The following RRP15 variants were observed in gnomAD, a reference collection of about 807,000 sequenced individuals.
The protein encoded by RRP15 is RRP15-like protein.
In RRP15, 18 loss-of-function variants were observed where a neutral mutation model predicts 27.1. The observed-to-expected ratio is 0.66, with a 90% CI of 0.46 to 0.98. RRP15 has a LOEUF of 0.98. RRP15 is among the 50% of genes least tolerant of loss of function. The probability of loss-of-function intolerance (pLI) is 0.00; values close to 1 mark genes in which losing one functional copy is unlikely to be tolerated. For missense variants in RRP15, 359 were observed against 337.8 expected (o/e 1.06, Z -0.49); for synonymous variants, 107 against 109.4 (o/e 0.98, Z 0.14).
At position 218,332,931 on chromosome 1, in the gene RRP15, C is replaced by G. The variant is rs752139653; in HGVS notation, c.*1840C>G. On this transcript the variant is annotated 3_prime_UTR_variant, in exon 5 of 5. Transcript: ENST00000366932. ...TTTTCTCCCCAGAACTAAGATTACA[C>G]TTAATTTAATTTAATGTGTTTCTGC... is the stretch of plus-strand genomic sequence containing the variant. 1 of 149,388 alleles carries G rather than the reference C, an allele frequency of 6.7e-6. No homozygotes were observed. The highest frequency in any genetic ancestry group is 1.5e-5 in the Non-Finnish European group (1 of 67,650). The allele number at this position is 149,388 out of a possible 1,614,324, so 9.3% of individuals were successfully genotyped here. A position where few individuals can be genotyped will look rare whatever the true frequency, so the allele number is the denominator to read the frequency against.
At chr1:218,293,947 A>G (rs1354981728) in intron 1 of RRP15, among the ~76,000 whole-genome samples, 1 of 152,156 alleles carries the variant, frequency 6.6e-6, no homozygotes, top group East Asian at 1.9e-4. Context: ...CTCATATACT[A>G]GATTATCATG....
intron 3 of RRP15, among the ~76,000 whole-genome samples, chr1:218,305,739 C>A (rs57602988): frequency 4.6e-5 from 7 of 151,958 alleles, no homozygotes; most frequent in African/African-American, 1.7e-4. Context: ...GCTAAAGAAC[C>A]TAGCAGTTAT....
At chr1:218,298,555 A>C (rs978943854) in intron 1 of RRP15, among the ~76,000 whole-genome samples, 20 of 152,146 alleles carry the variant, frequency 1.3e-4, no homozygotes, top group African/African-American at 4.8e-4. Context: ...GCCAGCAGCT[A>C]ACCATTCGTA....
At chr1:218,308,723 AATTGT>A (rs1655942057) in intron 4 of RRP15, among the ~76,000 whole-genome samples, 1 of 152,208 alleles carries the variant, frequency 6.6e-6, no homozygotes, top group Admixed American at 6.5e-5. Flanking sequence ...AAAGGGCTCA[AATTGT>A]ATTTTTATAT....
chr1:218,323,702 C>T (rs1220299198), intron 4 of RRP15, among the ~76,000 whole-genome samples: 1 of 152,200 alleles, frequency 6.6e-6, no homozygotes, highest in Non-Finnish European at 1.5e-5. Flanking sequence ...TGCTGAGCTG[C>T]CCTTAGCCCC....
intron 4 of RRP15, among the ~76,000 whole-genome samples, chr1:218,308,067 T>C (rs1655930393): frequency 8.7e-6 from 1 of 114,538 alleles, no homozygotes; most frequent in Non-Finnish European, 1.7e-5. Context: ...TCTTTCTTTT[T>C]TTTTTTTTTT....
chr1:218,285,804 G>T (rs568896704), intron 1 of RRP15, among the ~76,000 whole-genome samples: 1 of 152,184 alleles, frequency 6.6e-6, no homozygotes, highest in South Asian at 2.1e-4. Context: ...GTCTCATAGG[G>T]TGTAAGAAGC....
chr1:218,300,567 C>T (rs1007408848), intron 1 of RRP15, among the ~76,000 whole-genome samples: 2 of 152,162 alleles, frequency 1.3e-5, no homozygotes, highest in Non-Finnish European at 1.5e-5. Flanking sequence ...GGGGATCACT[C>T]AGAAGGTAAT....
At chr1:218,294,496 G>T (rs949259893) in intron 1 of RRP15, among the ~76,000 whole-genome samples, 1 of 152,142 alleles carries the variant, frequency 6.6e-6, no homozygotes, top group African/African-American at 2.4e-5. Context: ...AAGTTTATGG[G>T]TTTATTATAA....
Position 218,305,043 on chromosome 1 carries a change from G to C in RRP15, c.421G>C (p.Glu141Gln). ...EKIKQRDKRL[E>Q]WEMMCRVKPD... Reference sequence around the variant, plus strand: ...TATAACGCAGCGTGATAAGAGGCTGGAGTGGGAAATGATGTGCAGAGTAAA... The same window carrying C: ...TATAACGCAGCGTGATAAGAGGCTGCAGTGGGAAATGATGTGCAGAGTAAA... Residue 141 changes from glutamate to glutamine, a missense_variant, in exon 3 of 5, where the codon GAG becomes CAG. Physicochemically the swap from Glu to Gln is conservative, Grantham distance 29 (BLOSUM62 2). Coordinates refer to ENST00000366932, the MANE Select transcript of RRP15 (RefSeq NM_016052.4). 6.2e-7 allele frequency: 1 copy of C among 1,613,696 alleles called. No individual in the cohort carries two copies. Among genetic ancestry groups the C allele is most frequent in the Admixed American group, 1.7e-5 (1 of 60,008 alleles).
chr1:218,314,739 T>C (rs1296273261), intron 4 of RRP15, among the ~76,000 whole-genome samples: 1 of 152,022 alleles, frequency 6.6e-6, no homozygotes. Flanking sequence ...ACATCTGTAA[T>C]CTCAGCACTT....
intron 4 of RRP15, among the ~76,000 whole-genome samples, chr1:218,319,065 C>CT (rs546270156): frequency 1.5e-3 from 224 of 145,238 alleles, no homozygotes; most frequent in African/African-American, 3.8e-3. Context: ...TTTCTTTTGT[C>CT]TTTTTTTTTT....
At chr1:218,317,269 G>A (rs937976624) in intron 4 of RRP15, among the ~76,000 whole-genome samples, 5 of 152,218 alleles carry the variant, frequency 3.3e-5, no homozygotes, top group Admixed American at 2.0e-4. Flanking sequence ...CGTATGCTTT[G>A]TGCCAGATGC....
intron 1 of RRP15, among the ~76,000 whole-genome samples, chr1:218,291,526 T>TC (rs1285231054): frequency 2.0e-5 from 3 of 146,572 alleles, no homozygotes; most frequent in Admixed American, 1.3e-4. Flanking sequence ...CATTGAATTT[T>TC]CCTTTTTTTT....
At chr1:218,325,397 GGCT>G (rs1656256795) in intron 4 of RRP15, among the ~76,000 whole-genome samples, 1 of 152,114 alleles carries the variant, frequency 6.6e-6, no homozygotes, top group African/African-American at 2.4e-5. Flanking sequence ...TCCTGAGAAA[GGCT>G]GCATTGGAAG....
intron 3 of RRP15, among the ~76,000 whole-genome samples, chr1:218,306,579 C>T (rs1655902304): frequency 6.6e-6 from 1 of 152,066 alleles, no homozygotes; most frequent in African/African-American, 2.4e-5. Flanking sequence ...CAGATTGCCT[C>T]TTATTAGAGC....
chr1:218,326,672 G>A (rs1172224344), intron 4 of RRP15, among the ~76,000 whole-genome samples: 1 of 152,170 alleles, frequency 6.6e-6, no homozygotes, highest in African/African-American at 2.4e-5. Flanking sequence ...AAAGGTCTGC[G>A]TACCAGCATT....
intron 1 of RRP15, among the ~76,000 whole-genome samples, chr1:218,291,833 C>G (rs1322798030): frequency 6.6e-6 from 1 of 150,860 alleles, no homozygotes; most frequent in African/African-American, 2.4e-5. Flanking sequence ...GCTGGCCCCC[C>G]ACTCCCCACC....
intron 1 of RRP15, among the ~76,000 whole-genome samples, chr1:218,298,529 A>G (rs1411039963): frequency 6.6e-6 from 1 of 152,162 alleles, no homozygotes; most frequent in African/African-American, 2.4e-5. Flanking sequence ...GGCTAAGGAA[A>G]ATGGCTCACT....
Sources: gnomAD v4.1 joint callset for allele counts (sites outside exome capture counted in the v4.1 genomes callset) on GRCh38, gnomAD v4.1.1 for gene constraint, MANE v1.5 for transcripts, NCBI Gene and HGNC (gene_info 2026-07-23, HGNC 2026-07-21) for gene names.